TMEM263: variants seen among roughly 807,000 people sequenced by gnomAD.
The protein encoded by TMEM263 is transmembrane protein 263.
In TMEM263, 5 loss-of-function variants were observed where a neutral mutation model predicts 8.6. The observed-to-expected ratio is 0.58, with a 90% CI of 0.31 to 1.23. The LOEUF is 1.23. Among genes scored for constraint, TMEM263 ranks in the 50% most tolerant of loss-of-function variants. The pLI is 0.07. For missense variants in TMEM263, 104 were observed against 138.8 expected, an observed-to-expected ratio of 0.75 and a Z score of 1.26; for synonymous variants, 50 against 47.9, an observed-to-expected ratio of 1.04 and a Z score of -0.18.
At chr12:106,960,972 G>C (rs1005484914) in intron 2 of TMEM263, among the ~76,000 whole-genome samples, 1 of 152,030 alleles carries the variant, frequency 6.6e-6, no homozygotes, top group Admixed American at 6.5e-5. Context: ...ATTTCTTCTT[G>C]TGATGCTTAA....
At position 106,972,424 on chromosome 12, in the gene TMEM263, T is replaced by G. The variant is rs550525568; in HGVS notation, c.*1033T>G. On this transcript the variant is annotated 3_prime_UTR_variant, in exon 4 of 4. Coordinates refer to ENST00000280756, the MANE Select transcript of TMEM263 (RefSeq NM_152261.4). ...CAGTACTCCTTTTTTAAAAACACTG[T>G]AAAAGTAACCACAAATATGTGAGGA... 1 of 152,196 alleles carries G rather than the reference T, an allele frequency of 6.6e-6. No individual in the cohort carries two copies. Among genetic ancestry groups the G allele is most frequent in the Non-Finnish European group, 1.5e-5 (1 of 68,002 alleles). 9.4% of individuals were successfully genotyped at this position (152,196 alleles called of 1,614,324 possible). A position where few individuals can be genotyped will look rare whatever the true frequency, so the allele number is the denominator to read the frequency against.
chr12:106,958,244 T>G (rs957746098), intron 2 of TMEM263, among the ~76,000 whole-genome samples: 4 of 152,206 alleles, frequency 2.6e-5, no homozygotes, highest in African/African-American at 9.6e-5. Flanking sequence ...TTATTTAACT[T>G]CCTTTGGTGT....
chr12:106,957,021 G>T, intron 1 of TMEM263, 61 bp from the exon 2 acceptor site: 1 of 932,808 alleles, frequency 1.1e-6, no homozygotes, highest in Non-Finnish European at 1.3e-6. Context: ...TGTGAACACT[G>T]TGCTAATTCC....
chr12:106,971,002 A>G (rs1333862188), intron 3 of TMEM263, 103 bp from the exon 4 acceptor site: 2 of 1,223,726 alleles, frequency 1.6e-6, no homozygotes, highest in East Asian at 2.3e-5. Context: ...TATCAAATCA[A>G]CCTCCTGTTG....
chr12:106,960,226 G>T (rs1795515693), intron 2 of TMEM263, among the ~76,000 whole-genome samples: 1 of 152,138 alleles, frequency 6.6e-6, no homozygotes, highest in Non-Finnish European at 1.5e-5. Context: ...GTAGAGATGG[G>T]GTTTCACCAT....
At chr12:106,968,981 T>TA (rs1391982264) in intron 3 of TMEM263, among the ~76,000 whole-genome samples, 1 of 152,212 alleles carries the variant, frequency 6.6e-6, no homozygotes, top group Non-Finnish European at 1.5e-5. Context: ...CTTCAGTCAT[T>TA]AAAAATTTGT....
intron 2 of TMEM263, among the ~76,000 whole-genome samples, chr12:106,959,758 A>T (rs1454101612): frequency 3.9e-5 from 6 of 152,164 alleles, no homozygotes; most frequent in Non-Finnish European, 7.3e-5. Context: ...TATCACTAAA[A>T]GTTAGGCACA....
intron 2 of TMEM263, among the ~76,000 whole-genome samples, chr12:106,957,645 T>C (rs1951718467): frequency 6.6e-6 from 1 of 152,238 alleles, no homozygotes; most frequent in South Asian, 2.1e-4. Context: ...GGAATGCAAA[T>C]ATCTGTTGAA....
chr12:106,963,580 A>G (rs549472585), intron 2 of TMEM263, among the ~76,000 whole-genome samples: 12 of 152,318 alleles, frequency 7.9e-5, no homozygotes, highest in African/African-American at 2.9e-4. Context: ...GTAGCCACTT[A>G]CTGTATTAAT....
chr12:106,970,155 C>T (rs1009352443), intron 3 of TMEM263, among the ~76,000 whole-genome samples: 2 of 152,064 alleles, frequency 1.3e-5, no homozygotes, highest in South Asian at 4.2e-4. Flanking sequence ...TCTTTAAATA[C>T]GTCAGTAAGG....
intron 3 of TMEM263, among the ~76,000 whole-genome samples, chr12:106,968,925 TTATAACTAATATATTCAAATG>T (rs1951880768): frequency 6.6e-6 from 1 of 152,206 alleles, no homozygotes; most frequent in Non-Finnish European, 1.5e-5. Context: ...CATCATAATT[TTATAACTAATATATTCAAATG>T]CCCATCTATA....
Position 106,971,622 on chromosome 12 carries a change from C to T in TMEM263, c.*231C>T. Reference sequence around the variant, plus strand: ...TTTATCTGGTAAAATGTTACACTTACTCGGTTGTAACTGAAGATATGGTAT... The same window carrying T: ...TTTATCTGGTAAAATGTTACACTTATTCGGTTGTAACTGAAGATATGGTAT... On this transcript the variant is annotated 3_prime_UTR_variant, in exon 4 of 4. Coordinates refer to ENST00000280756, the MANE Select transcript of TMEM263 (RefSeq NM_152261.4). 2.4e-6 allele frequency: 1 copy of T among 421,842 alleles called. No homozygotes were observed. The highest frequency in any genetic ancestry group is 3.6e-5 in the East Asian group (1 of 27,636). The allele number at this position is 421,842 out of a possible 1,614,324, so 26.1% of individuals were successfully genotyped here.
intron 3 of TMEM263, among the ~76,000 whole-genome samples, chr12:106,968,247 T>G (rs1376840622): frequency 6.6e-6 from 1 of 152,156 alleles, no homozygotes; most frequent in African/African-American, 2.4e-5. Context: ...AAAATGAAAT[T>G]GCTAGGAAAA....
chr12:106,956,743 CCTT>C (rs1951698113), intron 1 of TMEM263: 1 of 152,422 alleles, frequency 6.6e-6, no homozygotes, highest in Non-Finnish European at 1.5e-5. Context: ...TGTCCTAAAC[CCTT>C]CTTACATAGA....
chr12:106,967,444 GA>G, intron 3 of TMEM263: 1 of 288,676 alleles, frequency 3.5e-6, no homozygotes, highest in South Asian at 4.5e-5. Flanking sequence ...ATTTTTAGTA[GA>G]GACAGGGGTT....
chr12:106,957,528 C>T (rs1404714207), intron 2 of TMEM263, among the ~76,000 whole-genome samples: 1 of 151,480 alleles, frequency 6.6e-6, no homozygotes, highest in Non-Finnish European at 1.5e-5. Flanking sequence ...TTTTCTATTT[C>T]CGGAAGATAT....
intron 2 of TMEM263, among the ~76,000 whole-genome samples, chr12:106,958,285 T>C (rs1353555977): frequency 6.6e-6 from 1 of 152,218 alleles, no homozygotes; most frequent in Admixed American, 6.5e-5. Flanking sequence ...GGAAAATTTA[T>C]GTACTGTTTT....
chr12:106,960,341 T>G (rs1201549618), intron 2 of TMEM263, among the ~76,000 whole-genome samples: 1 of 151,352 alleles, frequency 6.6e-6, no homozygotes, highest in East Asian at 1.9e-4. Flanking sequence ...GGCCCTTGTT[T>G]TTTTTTTTTT....
chr12:106,965,193 C>T (rs543248182), intron 2 of TMEM263, among the ~76,000 whole-genome samples: 261 of 152,320 alleles, frequency 1.7e-3, no homozygotes, highest in African/African-American at 5.8e-3. Flanking sequence ...GGCCTTTGCT[C>T]TTGCCATTTC....
Sources: gnomAD v4.1 joint callset for allele counts (sites outside exome capture counted in the v4.1 genomes callset) on GRCh38, gnomAD v4.1.1 for gene constraint, MANE v1.5 for transcripts, NCBI Gene and HGNC (gene_info 2026-07-23, HGNC 2026-07-21) for gene names.